The following C6orf141 variants were observed in gnomAD, a reference collection of about 807,000 sequenced individuals.
C6orf141 encodes the protein chromosome 6 open reading frame 141.
For missense variants in C6orf141, 361 were observed against 335.8 expected (o/e 1.07, Z -0.59); for synonymous variants, 164 against 140.5 (o/e 1.17, Z -1.18).
chr6:49,556,418 T>C (rs1474176175), downstream of C6orf141, among the ~76,000 whole-genome samples: 1 of 152,250 alleles, frequency 6.6e-6, no homozygotes, highest in East Asian at 1.9e-4. Context: ...TGAAGCTTTA[T>C]AGTGTCTTTT....
downstream of C6orf141, chr6:49,555,119 A>G (rs1321664533): frequency 1.3e-5 from 2 of 152,240 alleles, no homozygotes; most frequent in Non-Finnish European, 2.9e-5. Context: ...TCCAGTGACC[A>G]TAAGATAAAT....
At chr6:49,558,059 G>GTTTTTTTTTTTTTTTTTTTTTTTGTTT (rs1772349134) in intron 4 of C6orf141, among the ~76,000 whole-genome samples, 1 of 97,800 alleles carries the variant, frequency 1.0e-5, no homozygotes, top group African/African-American at 4.0e-5. Flanking sequence ...ACTCAAATAT[G>GTTTTTTTTTTTTTTTTTTTTTTTGTTT]TTTTTTTTTT....
Position 49,551,458 on chromosome 6 carries a change from C to A in C6orf141, c.666C>A (p.Ser222=). 2 of 1,551,550 alleles carry A rather than the reference C, an allele frequency of 1.3e-6. No individual in the cohort carries two copies. The highest frequency in any genetic ancestry group is 1.7e-6 in the Non-Finnish European group (2 of 1,146,966). The change falls in exon 1 of 1, where the codon TCC becomes TCA. Residue 222 remains serine (S), a synonymous_variant. Coordinates refer to ENST00000529246, the MANE Select transcript of C6orf141 (RefSeq NM_001145652.2). ...SRALQARTGA[S]RVHAAGRRVS... ...CTCTCCAGGCACGAACAGGGGCATC[C>A]CGCGTCCACGCCGCGGGGAGGAGGG... is the stretch of plus-strand genomic sequence containing the variant.
At chr6:49,556,623 A>G (rs745499979), downstream of C6orf141, among the ~76,000 whole-genome samples, 20 of 152,216 alleles carry the variant, frequency 1.3e-4, no homozygotes, top group Non-Finnish European at 2.4e-4. Flanking sequence ...GCTGAGTCAG[A>G]ACTTGTCAGC....
chr6:49,559,942 A>G (rs72868381), intron 4 of C6orf141, among the ~76,000 whole-genome samples: 1 of 152,316 alleles, frequency 6.6e-6, no homozygotes, highest in Non-Finnish European at 1.5e-5. Context: ...TCCTGAGGTT[A>G]TAGGGTTTAT....
chr6:49,561,520 G>A (rs897488676), intron 4 of C6orf141, among the ~76,000 whole-genome samples: 6 of 152,120 alleles, frequency 3.9e-5, no homozygotes, highest in African/African-American at 1.4e-4. Flanking sequence ...TGGTGTCTGA[G>A]GAAGAGAACT....
At chr6:49,556,991 C>T (rs1420622786), downstream of C6orf141, among the ~76,000 whole-genome samples, 2 of 152,194 alleles carry the variant, frequency 1.3e-5, no homozygotes, top group African/African-American at 2.4e-5. Context: ...CGGTGGCTCA[C>T]GCCTGTAATC....
chr6:49,556,736 C>A (rs535287447), downstream of C6orf141, among the ~76,000 whole-genome samples: 17 of 152,160 alleles, frequency 1.1e-4, no homozygotes, highest in Non-Finnish European at 2.1e-4. Context: ...AACACCATGA[C>A]ATCTCTATAA....
rs1561991122 is a variant in C6orf141 at position 49,551,527 on chromosome 6, A to C, written c.735A>C (p.Ter245TyrextTer1). The change falls in exon 1 of 1, where the codon TAA (stop) becomes TAC (tyrosine). Residue 245 changes from the stop codon to tyrosine, a stop_lost. Transcript: ENST00000529246. ...PGTWLEEIKL[*>Y] is the part of the protein sequence containing the mutation. ...CTTGGCTCGAGGAAATTAAACTCTA[A>C]TGAGTAGCTCGAGAAATGTTCCGGG... 8 of 1,549,872 alleles carry C rather than the reference A, an allele frequency of 5.2e-6. No individual in the cohort carries two copies. Among genetic ancestry groups the C allele is most frequent in the Non-Finnish European group, 7.0e-6 (8 of 1,146,792 alleles).
Position 49,551,111 on chromosome 6 carries a change from C to G in C6orf141, c.319C>G (p.Arg107Gly), listed in dbSNP as rs1770377648. Residue 107 changes from arginine to glycine, a missense_variant, in exon 1 of 1, where the codon CGG becomes GGG. Transcript: ENST00000529246. Reference sequence around the variant, plus strand: ...GTTAGGGACTCGAGGGGACCCTGCACGGGAAGAGGTGGCCGGTGCAGAGGA... The same window carrying G: ...GTTAGGGACTCGAGGGGACCCTGCAGGGGAAGAGGTGGCCGGTGCAGAGGA... The part of the protein sequence containing the change: ...RWLGTRGDPA[R>G]EEVAGAEDLP... The G allele has an allele frequency of 2.6e-6, 4 of 1,551,634 alleles. No homozygotes were observed. In the African/African-American group the frequency reaches 4.1e-5, roughly 16 times the overall value.
chr6:49,554,127 G>A (rs1464784245), downstream of C6orf141, among the ~76,000 whole-genome samples: 1 of 152,116 alleles, frequency 6.6e-6, no homozygotes, highest in Non-Finnish European at 1.5e-5. Context: ...TCATGGTAAA[G>A]CTCAAAGGAC....
At chr6:49,559,988 G>C (rs759721549) in intron 4 of C6orf141, among the ~76,000 whole-genome samples, 2 of 152,128 alleles carry the variant, frequency 1.3e-5, no homozygotes, top group African/African-American at 4.8e-5. Flanking sequence ...GTGGAATAAC[G>C]TACAAAGTTA....
chr6:49,561,136 C>T (rs1208194424), intron 4 of C6orf141, among the ~76,000 whole-genome samples: 1 of 145,944 alleles, frequency 6.9e-6, no homozygotes, highest in Non-Finnish European at 1.5e-5. Context: ...CTTTCTCTGT[C>T]GCCCAGGCTA....
chr6:49,553,985 G>A (rs531148915), downstream of C6orf141, among the ~76,000 whole-genome samples: 1 of 152,056 alleles, frequency 6.6e-6, no homozygotes, highest in Non-Finnish European at 1.5e-5. Flanking sequence ...AAGTCAAGCC[G>A]GTGGTTTTTA....
rs992913053 is a variant in C6orf141, at chr6:49,550,935, A to G, written c.143A>G (p.Asn48Ser). The change falls in exon 1 of 1, where the codon AAT becomes AGT. Residue 48 changes from asparagine (N) to serine (S), a missense_variant. Transcript: ENST00000529246. ...GCTCCGCTAGCTCCGGGCGCCCGGA[A>G]TCCCGCGACGGCAGGGGCGAGCCGA... is the stretch of plus-strand genomic sequence containing the variant. Reference protein sequence around the residue: ...RGAPLAPGARNPATAGASRSQ... With the variant: ...RGAPLAPGARSPATAGASRSQ... 4 of 1,543,750 alleles carry G rather than the reference A, an allele frequency of 2.6e-6. No individual in the cohort carries two copies. Among genetic ancestry groups the G allele is most frequent in the Non-Finnish European group, 3.5e-6 (4 of 1,144,730 alleles).
At chr6:49,553,783 GT>G (rs58250338), downstream of C6orf141, among the ~76,000 whole-genome samples, 95 of 150,502 alleles carry the variant, frequency 6.3e-4, no homozygotes, top group East Asian at 4.1e-3. Flanking sequence ...TTCATAGAGG[GT>G]TTTTTTTTTT....
Position 49,552,075 on chromosome 6 carries a change from C to A in C6orf141, c.*548C>A, listed in dbSNP as rs1188754442. 2.4e-6 allele frequency: 1 copy of A among 410,930 alleles called. No individual in the cohort carries two copies. The highest frequency in any genetic ancestry group is 3.4e-6 in the Non-Finnish European group (1 of 292,666). The allele number at this position is 410,930 out of a possible 1,614,324, so 25.5% of individuals were successfully genotyped here. On this transcript the variant is annotated 3_prime_UTR_variant, in exon 1 of 1. Coordinates refer to ENST00000529246, the MANE Select transcript of C6orf141 (RefSeq NM_001145652.2). ...CCACATTTCAGTGTTAGAAAGAAAA[C>A]GAGAGGAGCTAGGGAAAGAAGGAGT...
At chr6:49,554,188 G>A (rs1347725738), downstream of C6orf141, among the ~76,000 whole-genome samples, 2 of 152,204 alleles carry the variant, frequency 1.3e-5, no homozygotes, top group East Asian at 1.9e-4. Flanking sequence ...ATACCTCCTA[G>A]TTCTGGGCAG....
At chr6:49,559,217 T>C (rs1328728747) in intron 4 of C6orf141, among the ~76,000 whole-genome samples, 1 of 78,478 alleles carries the variant, frequency 1.3e-5, no homozygotes, top group East Asian at 3.5e-4. Flanking sequence ...TATATATATA[T>C]ATATATATAT....
Sources: allele counts gnomAD v4.1 joint callset (sites outside exome capture counted in the v4.1 genomes callset), GRCh38; gene constraint gnomAD v4.1.1; transcripts MANE v1.5; gene names NCBI Gene and HGNC (gene_info 2026-07-23, HGNC 2026-07-21).